The following THTPA variants were observed in gnomAD, a reference collection of about 807,000 sequenced individuals.
THTPA encodes thiamine triphosphatase, also known as thiamine-triphosphatase.
Under a neutral mutation model 16.5 loss-of-function variants are expected in THTPA, and 16 were observed. That is an observed-to-expected ratio of 0.97 (90% confidence interval 0.66 to 1.47). The LOEUF (loss-of-function observed/expected upper bound fraction) is 1.47, where lower values mean the gene tolerates loss of function less well. Among genes scored for constraint, THTPA ranks in the 40% most tolerant of loss-of-function variants. The pLI, the probability that THTPA is intolerant of heterozygous loss-of-function variation, is 0.00. For synonymous variants in THTPA, 110 were observed against 115.5 expected, an observed-to-expected ratio of 0.95 and a Z score of 0.30; for missense variants, 281 against 280.9, an observed-to-expected ratio of 1.00 and a Z score of 0.00.
At chr14:23,515,311 T>C in the THTPA span, among the ~76,000 whole-genome samples, 1 of 152,296 alleles carries the variant, frequency 6.6e-6, no homozygotes, top group African/African-American at 2.4e-5. Flanking sequence ...TCTTTCTCCC[T>C]TGTTAAAAGG....
In THTPA at chr14:23,556,696, G is replaced by T; in HGVS notation, c.-62G>T. The T allele has an allele frequency of 6.5e-7, 1 of 1,541,508 alleles. No homozygotes were observed. The highest frequency in any genetic ancestry group is 1.3e-5 in the South Asian group (1 of 78,654). ...GTACTGAGTTGACGCCCCAGGAGCT[G>T]AGCACCAGGCTTTGCATCCTTGGGA... On this transcript the variant is annotated 5_prime_UTR_variant, in exon 1 of 2. Transcript: ENST00000288014.
At chr14:23,521,842 T>A in the THTPA span, 1 of 1,473,760 alleles carries the variant, frequency 6.8e-7, no homozygotes, top group Non-Finnish European at 9.0e-7. Flanking sequence ...AACTGAACAG[T>A]TCCTGTGAGG....
upstream of THTPA, among the ~76,000 whole-genome samples, chr14:23,552,132 G>A (rs917694216): frequency 6.6e-6 from 1 of 151,854 alleles, no homozygotes; most frequent in Non-Finnish European, 1.5e-5. Flanking sequence ...CTCCCCCCGC[G>A]AAATTGGGTA....
At chr14:23,535,408 G>T in the THTPA span, 6 of 1,401,710 alleles carry the variant, frequency 4.3e-6, no homozygotes, top group Non-Finnish European at 5.6e-6. This position sits in a 1 kb window ranked among gnomAD's most constrained non-coding sequence, Gnocchi z 4.5. Context: ...AGTGCTGTGA[G>T]GCTGCAGGGA....
chr14:23,529,865 A>G, the THTPA span: 1 of 1,279,022 alleles, frequency 7.8e-7, no homozygotes, highest in Non-Finnish European at 1.1e-6. Flanking sequence ...CACTAGAGAA[A>G]GGGCAGGAAA....
chr14:23,558,599 G>GA, intron 1 of THTPA, 96 bp from the exon 2 acceptor site: 1 of 1,516,082 alleles, frequency 6.6e-7, no homozygotes, highest in Non-Finnish European at 9.0e-7. Context: ...TGTGGCTTTG[G>GA]AAACATCCAC....
At position 23,557,020 on chromosome 14, in the gene THTPA, T is replaced by C. The variant is rs1374344279; in HGVS notation, c.263T>C (p.Ile88Thr). 6.2e-7 allele frequency: 1 copy of C among 1,614,174 alleles called. No individual in the cohort carries two copies. Among genetic ancestry groups the C allele is most frequent in the East Asian group, 2.2e-5 (1 of 44,888 alleles). ...AAGGAACTCACAGCGGAACCTACAA[T>C]TGTGGCCCAACTCTGTAAGGTGCTG... ...EYKELTAEPT[I>T]VAQLCKVLRA... The change falls in exon 1 of 2, where the codon ATT becomes ACT. Residue 88 changes from isoleucine (I) to threonine (T), a missense_variant. Coordinates refer to ENST00000288014, the MANE Select transcript of THTPA (RefSeq NM_024328.6).
chr14:23,529,777 G>A, the THTPA span: 1 of 1,536,186 alleles, frequency 6.5e-7, no homozygotes, highest in Non-Finnish European at 8.7e-7. Context: ...AGCTGAGGAT[G>A]AAAGAAGAGG....
At chr14:23,523,624 C>A in the THTPA span, 1 of 1,557,726 alleles carries the variant, frequency 6.4e-7, no homozygotes, top group Non-Finnish European at 8.6e-7. The surrounding 1 kb of genome is among the most constrained non-coding windows in gnomAD (Gnocchi z 4.1). Flanking sequence ...GGATGACTCT[C>A]TTGGGCAGCC....
At chr14:23,537,813 T>A in the THTPA span, among the ~76,000 whole-genome samples, 1 of 152,178 alleles carries the variant, frequency 6.6e-6, no homozygotes, top group East Asian at 1.9e-4. Flanking sequence ...TGTGAGGGTC[T>A]GTTATTCCAT....
At chr14:23,531,669 T>G in the THTPA span, 1 of 1,480,632 alleles carries the variant, frequency 6.8e-7, no homozygotes, top group South Asian at 1.3e-5. Flanking sequence ...CAACAGGCAG[T>G]GGTATAGCCC....
At chr14:23,545,806 G>C in the THTPA span, among the ~76,000 whole-genome samples, 1 of 152,184 alleles carries the variant, frequency 6.6e-6, no homozygotes, top group Non-Finnish European at 1.5e-5. Flanking sequence ...CATGGCCCAG[G>C]AATAAAGAAG....
chr14:23,512,830 G>A, the THTPA span: 1 of 151,388 alleles, frequency 6.6e-6, no homozygotes, highest in Non-Finnish European at 1.5e-5. Context: ...GAAGGTGACT[G>A]AGCCAGGAGG....
chr14:23,548,790 G>A, the THTPA span, among the ~76,000 whole-genome samples: 1 of 152,082 alleles, frequency 6.6e-6, no homozygotes, highest in African/African-American at 2.4e-5. Flanking sequence ...TCTCTCTTCT[G>A]GGGCTTCGCC....
At chr14:23,544,741 C>T in the THTPA span, among the ~76,000 whole-genome samples, 3 of 152,202 alleles carry the variant, frequency 2.0e-5, no homozygotes, top group Non-Finnish European at 2.9e-5. Context: ...GCGCTAACCT[C>T]ATTTCACAGC....
chr14:23,524,356 G>T, the THTPA span: 1 of 1,536,264 alleles, frequency 6.5e-7, no homozygotes, highest in Non-Finnish European at 8.7e-7. The surrounding 1 kb of genome is among the most constrained non-coding windows in gnomAD (Gnocchi z 5.6). Flanking sequence ...GCAAGATGGT[G>T]GTGCGCAGGC....
intron 1 of THTPA, 86 bp from the exon 2 acceptor site, chr14:23,558,609 C>T (rs1053892196): frequency 7.7e-6 from 12 of 1,549,672 alleles, no homozygotes; most frequent in East Asian, 4.5e-5. Context: ...GAAACATCCA[C>T]GGAGTCCTGG....
At chr14:23,530,131 G>A in the THTPA span, 14 of 1,536,090 alleles carry the variant, frequency 9.1e-6, no homozygotes, top group Middle Eastern at 1.7e-4. Context: ...CAATTGTTCT[G>A]TCTTGTTCTG....
chr14:23,513,662 G>A, the THTPA span: 2 of 152,888 alleles, frequency 1.3e-5, no homozygotes, highest in African/African-American at 2.4e-5. Context: ...GAGGAGGCGA[G>A]TGGAGGGCGC....
Sources: gnomAD v4.1 joint callset for allele counts (sites outside exome capture counted in the v4.1 genomes callset) on GRCh38, gnomAD v4.1.1 for gene constraint, Gnocchi (gnomAD v3.1) non-coding constraint, MANE v1.5 for transcripts, NCBI Gene and HGNC (gene_info 2026-07-23, HGNC 2026-07-21) for gene names.